ASH1L: variants seen among roughly 807,000 people sequenced by gnomAD.
ASH1L encodes the protein ASH1 like histone lysine methyltransferase, also known as histone-lysine N-methyltransferase ASH1L.
A neutral mutation model predicts 269.0 loss-of-function variants in ASH1L; 23 were observed. The observed-to-expected ratio is 0.09, with a 90% CI of 0.06 to 0.12. ASH1L has a LOEUF of 0.12. Ranked by LOEUF, ASH1L falls within the 10% of genes least tolerant of loss-of-function variation. The pLI, the probability that ASH1L is intolerant of heterozygous loss-of-function variation, is 1.00. For missense variants in ASH1L, 2,912 were observed against 3,567.8 expected, an observed-to-expected ratio of 0.82 and a Z score of 4.68; for synonymous variants, 1,187 against 1,253.5, an observed-to-expected ratio of 0.95 and a Z score of 1.12.
At chr1:155,488,547 T>C (rs1570961863) in intron 2 of ASH1L, among the ~76,000 whole-genome samples, 2 of 147,926 alleles carry the variant, frequency 1.4e-5, no homozygotes, top group South Asian at 4.3e-4. Flanking sequence ...CGCATGCCTG[T>C]GGTCCCAGCT....
At chr1:155,386,773 A>C (rs1657467179) in intron 7 of ASH1L, among the ~76,000 whole-genome samples, 1 of 152,044 alleles carries the variant, frequency 6.6e-6, no homozygotes, top group African/African-American at 2.4e-5. Flanking sequence ...TGTCAGAAGC[A>C]GTTTGCAAAA....
intron 3 of ASH1L, among the ~76,000 whole-genome samples, chr1:155,467,315 AAATT>A (rs2148692414): frequency 6.6e-6 from 1 of 152,314 alleles, no homozygotes; most frequent in East Asian, 1.9e-4. Context: ...ATACATACAT[AAATT>A]AAATAGAATC....
intron 1 of ASH1L, among the ~76,000 whole-genome samples, chr1:155,532,700 G>A (rs1235223790): frequency 6.6e-6 from 1 of 151,586 alleles, no homozygotes. Flanking sequence ...GCAGGTGCCT[G>A]TCATCCCAGC....
intron 3 of ASH1L, among the ~76,000 whole-genome samples, chr1:155,464,016 C>T (rs1664499254): frequency 6.6e-6 from 1 of 152,160 alleles, no homozygotes. Context: ...ATAGCTTTTG[C>T]AGAGTATGCC....
intron 5 of ASH1L, among the ~76,000 whole-genome samples, chr1:155,430,878 C>T (rs1177151259): frequency 6.6e-6 from 1 of 152,168 alleles, no homozygotes; most frequent in East Asian, 1.9e-4. Flanking sequence ...CAGCCTCAGC[C>T]TCCAGAGTAG....
chr1:155,538,784 A>G (rs1413366372), intron 1 of ASH1L, among the ~76,000 whole-genome samples: 1 of 151,934 alleles, frequency 6.6e-6, no homozygotes, highest in African/African-American at 2.4e-5. Flanking sequence ...TAGGGACCAT[A>G]GGCATGTGCC....
chr1:155,397,559 A>AT (rs1553251568), intron 6 of ASH1L, among the ~76,000 whole-genome samples: 2 of 151,310 alleles, frequency 1.3e-5, no homozygotes, highest in Non-Finnish European at 1.5e-5. Context: ...TCATTTATTT[A>AT]TTTTTTTCTT....
chr1:155,472,099 T>C (rs1665147340), intron 3 of ASH1L, among the ~76,000 whole-genome samples: 1 of 152,150 alleles, frequency 6.6e-6, no homozygotes. Context: ...GAAACTAGCC[T>C]GGCCAATACA....
At chr1:155,396,260 A>G (rs1185627139) in intron 6 of ASH1L, 2 of 152,188 alleles carry the variant, frequency 1.3e-5, no homozygotes, top group Non-Finnish European at 2.9e-5. Context: ...AGGGCCTTAG[A>G]AGAGTCTCAT....
At chr1:155,472,417 C>T (rs1028042095) in intron 3 of ASH1L, among the ~76,000 whole-genome samples, 1 of 152,228 alleles carries the variant, frequency 6.6e-6, no homozygotes. Flanking sequence ...CCACCATTTT[C>T]ACCCCAACTT....
intron 3 of ASH1L, among the ~76,000 whole-genome samples, chr1:155,465,001 T>C (rs1454079879): frequency 2.0e-5 from 3 of 152,094 alleles, no homozygotes; most frequent in Admixed American, 2.0e-4. Context: ...AAGAACCTGT[T>C]TTCAAATTGA....
chr1:155,444,273 C>T (rs995470017), intron 4 of ASH1L, among the ~76,000 whole-genome samples: 1 of 152,108 alleles, frequency 6.6e-6, no homozygotes, highest in Non-Finnish European at 1.5e-5. Context: ...TGAGCCACTG[C>T]AACCTGCCTA....
chr1:155,339,041 G>C (rs1036715926), intron 26 of ASH1L, among the ~76,000 whole-genome samples: 1 of 152,220 alleles, frequency 6.6e-6, no homozygotes, highest in Non-Finnish European at 1.5e-5. Flanking sequence ...TTGAGGTAAT[G>C]GGGAAAGCTT....
At chr1:155,508,885 T>A (rs1482444291) in intron 2 of ASH1L, among the ~76,000 whole-genome samples, 1 of 152,182 alleles carries the variant, frequency 6.6e-6, no homozygotes, top group East Asian at 1.9e-4. Flanking sequence ...GGTAAGTGCA[T>A]CAAGTCATGC....
intron 12 of ASH1L, among the ~76,000 whole-genome samples, chr1:155,369,983 G>A (rs1182683140): frequency 6.6e-6 from 1 of 152,120 alleles, no homozygotes. Flanking sequence ...TGGTCAGGCT[G>A]GTCTCAAACT....
In ASH1L at chr1:155,366,859, A is replaced by T. The variant is rs1227008118; in HGVS notation, c.6686+3645T>A. Among the ~76,000 whole-genome samples, 5 of 152,028 alleles carry T rather than the reference A, an allele frequency of 3.3e-5. No individual in the cohort carries two copies. In the East Asian group the frequency reaches 9.6e-4, roughly 29 times the overall value. On this transcript the variant is annotated intron_variant, in intron 12 of 27. Coordinates refer to ENST00000392403, the MANE Select transcript of ASH1L (RefSeq NM_018489.3). ...GCTAATTTTTGTATTTTAAGTAGAG[A>T]CAGGGTTTCAGTCATCATGTTGGCT... is the stretch of plus-strand genomic sequence containing the variant.
intron 2 of ASH1L, among the ~76,000 whole-genome samples, chr1:155,494,574 A>C (rs1345938092): frequency 6.6e-6 from 1 of 152,226 alleles, no homozygotes; most frequent in East Asian, 1.9e-4. Context: ...GAATACTAGG[A>C]GAGGGCTTGC....
At chr1:155,354,907 A>T (rs759856085) in intron 15 of ASH1L, among the ~76,000 whole-genome samples, 1 of 152,210 alleles carries the variant, frequency 6.6e-6, no homozygotes, top group Non-Finnish European at 1.5e-5. Context: ...TATTTGTACA[A>T]ATTCTAAATA....
At chr1:155,510,643 GAT>G (rs1668106258) in intron 2 of ASH1L, among the ~76,000 whole-genome samples, 1 of 152,090 alleles carries the variant, frequency 6.6e-6, no homozygotes. Flanking sequence ...AGATACCAAA[GAT>G]AGCAATGTTG....
Sources: gnomAD v4.1 joint callset for allele counts (sites outside exome capture counted in the v4.1 genomes callset) on GRCh38, gnomAD v4.1.1 for gene constraint, MANE v1.5 for transcripts, NCBI Gene and HGNC (gene_info 2026-07-23, HGNC 2026-07-21) for gene names.